The following FAXDC2 variants were observed in gnomAD, a reference collection of about 807,000 sequenced individuals.
FAXDC2 encodes fatty acid hydroxylase domain containing 2.
FAXDC2 carries 41 observed loss-of-function variants against 40.9 expected under a neutral mutation model. The ratio of observed to expected loss-of-function variants is 1.00; its 90% CI spans 0.78 to 1.30. The LOEUF (loss-of-function observed/expected upper bound fraction) is 1.30. FAXDC2 is among the 50% of genes most tolerant of loss of function. The pLI, the probability that FAXDC2 is intolerant of heterozygous loss-of-function variation, is 0.00. For missense variants in FAXDC2, 390 were observed against 408.8 expected (o/e 0.95, Z 0.40); for synonymous variants, 157 against 149.3 (o/e 1.05, Z -0.38).
intron 4 of FAXDC2, among the ~76,000 whole-genome samples, chr5:154,833,492 C>T (rs1211294739): frequency 2.0e-5 from 3 of 151,566 alleles, no homozygotes; most frequent in Admixed American, 6.6e-5. Context: ...ATTACAGGCA[C>T]GCACCACCAC....
intron 2 of FAXDC2, among the ~76,000 whole-genome samples, chr5:154,837,697 C>T (rs888109311): frequency 1.3e-5 from 2 of 152,154 alleles, no homozygotes; most frequent in African/African-American, 4.8e-5. Flanking sequence ...GAAATATAAA[C>T]AGGACAAAGG....
chr5:154,822,408 G>C, intron 7 of FAXDC2, 64 bp downstream of exon 7: 2 of 1,105,356 alleles, frequency 1.8e-6, no homozygotes, highest in Non-Finnish European at 1.4e-6. Flanking sequence ...CTCTGCAGGA[G>C]ACCTTCAGGA....
chr5:154,837,077 C>G (rs1218305995), intron 2 of FAXDC2, among the ~76,000 whole-genome samples: 1 of 152,124 alleles, frequency 6.6e-6, no homozygotes, highest in African/African-American at 2.4e-5. Context: ...TTCTTCTCAG[C>G]ATTATCCTAT....
rs765538514 is a variant in FAXDC2 at position 154,834,690 on chromosome 5, CA to C, written c.178del (p.Trp60GlyfsTer9). Reference sequence around the variant, plus strand: ...CAGCAGCCTCTCCCACTGGGCTTGCCAAAAGTAGCCAGAAGCACCCCAAAAT... The same window carrying C: ...CAGCAGCCTCTCCCACTGGGCTTGCCAAAGTAGCCAGAAGCACCCCAAAAT... ...QRFWGASGYF[W>X]QAQWERLLTT... On this transcript the variant is annotated frameshift_variant, in exon 4 of 9. Coordinates refer to ENST00000326080, the MANE Select transcript of FAXDC2 (RefSeq NM_032385.5). LOFTEE classifies it high-confidence loss of function. 1.2e-6 allele frequency: 2 copies of C among 1,613,318 alleles called. No homozygotes were observed. Among genetic ancestry groups the C allele is most frequent in the Non-Finnish European group, 1.7e-6 (2 of 1,179,866 alleles).
At position 154,838,606 on chromosome 5, in the gene FAXDC2, C is replaced by CT. The variant is rs201665443; in HGVS notation, c.1-429dup. 1,150 of 199,138 alleles carry CT rather than the reference C, an allele frequency of 5.8e-3. 5 individuals carry two copies. Among genetic ancestry groups the CT allele is most frequent in the East Asian group, 0.025 (140 of 5,650 alleles). The allele number at this position is 199,138 out of a possible 1,614,324, so 12.3% of individuals were successfully genotyped here. On this transcript the variant is annotated intron_variant, in intron 1 of 8. Coordinates refer to ENST00000326080, the MANE Select transcript of FAXDC2 (RefSeq NM_032385.5). ...TTCTAGCAAGTTGGTTTGGTTTGTT[C>CT]TTTTTTTTTTGAGACAGAGTCTCGC...
intron 4 of FAXDC2, 121 bp from the exon 5 acceptor site, chr5:154,831,043 T>A: frequency 1.6e-6 from 2 of 1,282,106 alleles, no homozygotes; most frequent in Non-Finnish European, 2.2e-6. Flanking sequence ...GCCAGGGAGG[T>A]CTTAGGGCTT....
chr5:154,847,269 T>G (rs1760620620), intron 1 of FAXDC2, among the ~76,000 whole-genome samples: 1 of 152,008 alleles, frequency 6.6e-6, no homozygotes, highest in Non-Finnish European at 1.5e-5. Flanking sequence ...TGTGGTTTTG[T>G]TGAAAGCAGA....
rs754593315 is a variant in FAXDC2 at position 154,823,488 on chromosome 5, C to T, written c.471G>A (p.Trp157Ter). 1.5e-5 allele frequency: 24 copies of T among 1,614,130 alleles called. No individual in the cohort carries two copies. Among genetic ancestry groups the T allele is most frequent in the Non-Finnish European group, 2.0e-5 (24 of 1,180,010 alleles). ...VVFLYPFLKW[W>*]RDPCRRELPT... ...GTAGCTCACGGCGGCAGGGGTCTCT[C>T]CACCATTTGAGGAAGGGATAGAGGA... The change falls in exon 6 of 9, where the codon TGG becomes TGA. Residue 157 changes from tryptophan to a stop codon, truncating the protein, a stop_gained. Coordinates refer to ENST00000326080, the MANE Select transcript of FAXDC2 (RefSeq NM_032385.5). LOFTEE classifies it high-confidence loss of function.
intron 5 of FAXDC2, among the ~76,000 whole-genome samples, chr5:154,825,668 A>AAAAAAAAAG (rs70981954): frequency 1.4e-5 from 2 of 143,416 alleles, no homozygotes; most frequent in African/African-American, 5.2e-5. Flanking sequence ...AAAAAAAAAA[A>AAAAAAAAAG]GCAGTAATAT....
rs776997390 is a variant in FAXDC2 at position 154,830,848 on chromosome 5, GT to G, written c.318del (p.Lys106AsnfsTer21). ...ATTCGGTAGCGAGAGATGAAGTTAGGTTTTCCTGTTGTGTCAACCACCAATA... is the reference window on the plus strand; with the variant it reads ...ATTCGGTAGCGAGAGATGAAGTTAGGTTTCCTGTTGTGTCAACCACCAATA... ...GLLLVVDTTG[K>X]PNFISRYRIQ... On this transcript the variant is annotated frameshift_variant, in exon 5 of 9. Coordinates refer to ENST00000326080, the MANE Select transcript of FAXDC2 (RefSeq NM_032385.5). LOFTEE classifies it high-confidence loss of function. 1.2e-5 allele frequency: 20 copies of G among 1,614,062 alleles called. No homozygotes were observed. The highest frequency in any genetic ancestry group is 1.7e-5 in the Admixed American group (1 of 60,008).
At chr5:154,849,913 T>C (rs1333955957) in intron 1 of FAXDC2, among the ~76,000 whole-genome samples, 1 of 152,232 alleles carries the variant, frequency 6.6e-6, no homozygotes, top group Non-Finnish European at 1.5e-5. Context: ...ATTTCACAAC[T>C]GGAGCCACTG....
chr5:154,834,600 G>A (rs1047489947), intron 4 of FAXDC2, 25 bp downstream of exon 4: 1 of 1,451,916 alleles, frequency 6.9e-7, no homozygotes, highest in African/African-American at 1.4e-5. Context: ...CCACATGCTA[G>A]GTGCTGGTGG....
chr5:154,823,845 T>C, intron 5 of FAXDC2: 3 of 485,240 alleles, frequency 6.2e-6, no homozygotes, highest in South Asian at 4.5e-5. Flanking sequence ...ACCTGCCTTC[T>C]TCCTGGTTCT....
At chr5:154,842,781 C>T (rs976451851) in intron 1 of FAXDC2, among the ~76,000 whole-genome samples, 2 of 151,448 alleles carry the variant, frequency 1.3e-5, no homozygotes, top group Non-Finnish European at 2.9e-5. Flanking sequence ...CTGCCTGCCT[C>T]GGCTTCCCAA....
intron 5 of FAXDC2, among the ~76,000 whole-genome samples, chr5:154,827,823 C>G (rs1760081262): frequency 6.6e-6 from 1 of 151,966 alleles, no homozygotes; most frequent in South Asian, 2.1e-4. Context: ...GGTAGGATTA[C>G]AGGTGTGAAC....
chr5:154,825,362 A>ATC (rs34447015), intron 5 of FAXDC2, among the ~76,000 whole-genome samples: 147,759 of 147,890 alleles, frequency 1, 73,814 homozygotes, highest in Middle Eastern at 1. Flanking sequence ...GCAAGACTCC[A>ATC]TCAAAAAAAA....
chr5:154,821,527 G>C (rs1387782956), intron 7 of FAXDC2, 101 bp from the exon 8 acceptor site: 3 of 858,596 alleles, frequency 3.5e-6, no homozygotes, highest in African/African-American at 1.8e-5. Flanking sequence ...AAACTTCCTT[G>C]ACCCAGATCT....
chr5:154,828,352 G>C (rs981569175), intron 5 of FAXDC2, among the ~76,000 whole-genome samples: 2 of 152,048 alleles, frequency 1.3e-5, no homozygotes, highest in Middle Eastern at 6.8e-3. Context: ...TACCACGTTT[G>C]TAATAATCTA....
chr5:154,822,449 G>A, intron 7 of FAXDC2, 23 bp downstream of exon 7: 1 of 1,556,620 alleles, frequency 6.4e-7, no homozygotes, highest in Non-Finnish European at 8.9e-7. Context: ...CCTTTGCTCT[G>A]GGGAGCATAG....
Sources: gnomAD v4.1 joint callset for allele counts (sites outside exome capture counted in the v4.1 genomes callset) on GRCh38, gnomAD v4.1.1 for gene constraint, MANE v1.5 for transcripts, NCBI Gene and HGNC (gene_info 2026-07-23, HGNC 2026-07-21) for gene names.